The following CCDC184 variants were observed in gnomAD, a reference collection of about 807,000 sequenced individuals.
The protein encoded by CCDC184 is coiled-coil domain containing 184.
In CCDC184, 11 loss-of-function variants were observed where a neutral mutation model predicts 10.4. The observed-to-expected ratio is 1.06, with a 90% CI of 0.67 to 1.75. CCDC184 has a LOEUF of 1.75. Among genes scored for constraint, CCDC184 ranks in the 40% most tolerant of loss-of-function variants. The pLI is 0.00. For missense variants in CCDC184, 264 were observed against 267.9 expected, an observed-to-expected ratio of 0.99 and a Z score of 0.10; for synonymous variants, 102 against 116.1, an observed-to-expected ratio of 0.88 and a Z score of 0.78.
In CCDC184 at chr12:48,184,073, G is replaced by C; in HGVS notation, c.-50G>C. 8.2e-7 allele frequency: 1 copy of C among 1,219,182 alleles called. No individual in the cohort carries two copies. 75.5% of individuals were successfully genotyped at this position (1,219,182 alleles called of 1,614,324 possible). On this transcript the variant is annotated 5_prime_UTR_variant, in exon 1 of 1. Transcript: ENST00000316554. ...CCTCCACCCCCTCCCCCACCCCGGA[G>C]GCCGGGCTGGACGCGACCCAGAGCC...
In CCDC184 at chr12:48,183,680, C is replaced by A; in HGVS notation, c.-443C>A. 6.0e-6 allele frequency: 1 copy of A among 167,478 alleles called. No homozygotes were observed. Among genetic ancestry groups the A allele is most frequent in the Non-Finnish European group, 1.3e-5 (1 of 78,784 alleles). 10.4% of individuals were successfully genotyped at this position (167,478 alleles called of 1,614,324 possible). On this transcript the variant is annotated 5_prime_UTR_variant, in exon 1 of 1. Transcript: ENST00000316554. ...TGCTGCCACACTCGCGGGCGCTGCCCGGTAATGGCCTGGGGGAGTCCCGAG... is the reference window on the plus strand; with the variant it reads ...TGCTGCCACACTCGCGGGCGCTGCCAGGTAATGGCCTGGGGGAGTCCCGAG...
Position 48,184,638 on chromosome 12 carries a change from G to A in CCDC184, c.516G>A (p.Gly172=). 3 of 1,585,870 alleles carry A rather than the reference G, an allele frequency of 1.9e-6. No homozygotes were observed. The highest frequency in any genetic ancestry group is 1.7e-6 in the Non-Finnish European group (2 of 1,166,496). The change falls in exon 1 of 1, where the codon GGG becomes GGA. Residue 172 remains glycine, a synonymous_variant. Coordinates refer to ENST00000316554, the MANE Select transcript of CCDC184 (RefSeq NM_001013635.4). ...GTGCTGGTCTCCTTGGGGGGGACGG[G>A]CCACTTGTGGAGCCCCTCGACATGC... ...SPCAGLLGGD[G]PLVEPLDMPD...
Position 48,185,295 on chromosome 12 carries a change from C to A in CCDC184, c.*588C>A, listed in dbSNP as rs1193949460. The A allele has an allele frequency of 1.2e-5, 2 of 167,012 alleles. No individual in the cohort carries two copies. Among genetic ancestry groups the A allele is most frequent in the African/African-American group, 2.4e-5 (1 of 41,342 alleles). 10.3% of individuals were successfully genotyped at this position (167,012 alleles called of 1,614,324 possible). ...TCTGGGTGAATGGGGTTCCAAGGGC[C>A]CCTGGGCTGGGAGGAGCTGGCTATG... On this transcript the variant is annotated 3_prime_UTR_variant, in exon 1 of 1. Transcript: ENST00000316554.
At position 48,184,367 on chromosome 12, in the gene CCDC184, A is replaced by T; in HGVS notation, c.245A>T (p.Asn82Ile). 2 of 1,613,862 alleles carry T rather than the reference A, an allele frequency of 1.2e-6. No individual in the cohort carries two copies. The highest frequency in any genetic ancestry group is 1.1e-5 in the South Asian group (1 of 91,078). The part of the protein sequence containing the change: ...IQVLSDDVCA[N>I]QRAIVSMCQI... ...GTGCTCTCGGACGACGTGTGCGCCA[A>T]CCAGCGAGCCATCGTCTCCATGTGC... Residue 82 changes from asparagine to isoleucine, a missense_variant, in exon 1 of 1, where the codon AAC (asparagine) becomes ATC (isoleucine). Coordinates refer to ENST00000316554, the MANE Select transcript of CCDC184 (RefSeq NM_001013635.4).
In CCDC184 at chr12:48,184,147, A is replaced by T. The variant is rs1200121911; in HGVS notation, c.25A>T (p.Met9Leu). 2.8e-5 allele frequency: 45 copies of T among 1,613,426 alleles called. No individual in the cohort carries two copies. Among genetic ancestry groups the T allele is most frequent in the Non-Finnish European group, 3.6e-5 (43 of 1,179,868 alleles). ...AATGGAGGACGGTCTGCTGGAGATC[A>T]TGACCAAGGACGGCGGCGACATGCC... MEDGLLEIMTKDGGDMPAP... is the reference protein window; with the variant it reads MEDGLLEILTKDGGDMPAP... Residue 9 changes from methionine (M) to leucine (L), a missense_variant, in exon 1 of 1, where the codon ATG becomes TTG. By Grantham distance (15) the Met-to-Leu change is conservative. Coordinates refer to ENST00000316554, the MANE Select transcript of CCDC184 (RefSeq NM_001013635.4).
chr12:48,184,221 C>T lies in CCDC184; in HGVS notation c.99C>T (p.Ser33=), dbSNP rs1162474230. The T allele has an allele frequency of 1.2e-6, 2 of 1,614,046 alleles. No individual in the cohort carries two copies. Among genetic ancestry groups the T allele is most frequent in the Admixed American group, 3.3e-5 (2 of 60,026 alleles). The stretch of plus-strand genomic sequence containing the variant: ...TGCCGGCAGTGGGGGACGTGATCTC[C>T]GGGGAGTACAACGGCGGCATGAAGG... ...STVPAVGDVI[S]GEYNGGMKEL... Residue 33 remains serine (S), a synonymous_variant, in exon 1 of 1, where the codon TCC becomes TCT. Coordinates refer to ENST00000316554, the MANE Select transcript of CCDC184 (RefSeq NM_001013635.4).
chr12:48,185,075 G>A lies in CCDC184; in HGVS notation c.*368G>A. On this transcript the variant is annotated 3_prime_UTR_variant, in exon 1 of 1. Coordinates refer to ENST00000316554, the MANE Select transcript of CCDC184 (RefSeq NM_001013635.4). ...TCTATTCTGAAAAAGGACTTACCTA[G>A]GACCATGGCAAATAATCTCTAACAA... The A allele has an allele frequency of 5.0e-6, 1 of 201,222 alleles. No individual in the cohort carries two copies. Among genetic ancestry groups the A allele is most frequent in the Non-Finnish European group, 1.1e-5 (1 of 90,970 alleles). The allele number at this position is 201,222 out of a possible 1,614,324, so 12.5% of individuals were successfully genotyped here.
In CCDC184 at chr12:48,184,473, G is replaced by A. The variant is rs756165324; in HGVS notation, c.351G>A (p.Glu117=). Residue 117 remains glutamate, a synonymous_variant, in exon 1 of 1, where the codon GAG becomes GAA. Transcript: ENST00000316554. The part of the protein sequence containing the change: ...GKGSFQSDPQ[E]PETPSPGIGD... ...GGAGCTTCCAGAGCGACCCCCAAGA[G>A]CCGGAGACTCCTTCGCCTGGGATCG... 3.7e-6 allele frequency: 6 copies of A among 1,604,036 alleles called. No individual in the cohort carries two copies. In the Admixed American group the frequency reaches 1.0e-4, roughly 27 times the overall value.
chr12:48,184,542 A>C lies in CCDC184; in HGVS notation c.420A>C (p.Glu140Asp), dbSNP rs10783231. 0.74 allele frequency: 1,147,920 copies of C among 1,553,894 alleles called. 429,862 individuals carry two copies. Among genetic ancestry groups the C allele is most frequent in the Middle Eastern group, 0.83 (4,949 of 5,984 alleles). ...LLGRDPEDEE[E>D]EEEEKEMPSP... ...GTCGCGATCCCGAGGACGAGGAGGA[A>C]GAGGAAGAAGAGAAGGAGATGCCCA... is the stretch of plus-strand genomic sequence containing the variant. Residue 140 changes from glutamate (E) to aspartate (D), a missense_variant, in exon 1 of 1, where the codon GAA (glutamate) becomes GAC (aspartate). Coordinates refer to ENST00000316554, the MANE Select transcript of CCDC184 (RefSeq NM_001013635.4).
chr12:48,185,580 T>C lies in CCDC184; in HGVS notation c.*873T>C, dbSNP rs989887222. On this transcript the variant is annotated 3_prime_UTR_variant, in exon 1 of 1. Transcript: ENST00000316554. ...ACTTCAGTTCCTTTTTCTGTCAATA[T>C]GTCCTTGCCCACTGCCTCTCGGTGT... The C allele has an allele frequency of 1.2e-5, 2 of 167,218 alleles. No individual in the cohort carries two copies. The highest frequency in any genetic ancestry group is 3.9e-4 in the East Asian group (2 of 5,164). The allele number at this position is 167,218 out of a possible 1,614,324, so 10.4% of individuals were successfully genotyped here. A position where few individuals can be genotyped will look rare whatever the true frequency, so the allele number is the denominator to read the frequency against.
rs145112493 is a variant in CCDC184, at chr12:48,184,321, G to C, written c.199G>C (p.Glu67Gln). ...GAGGGCCATGAGGGGGGCCCTGGACGAGCAGGCCTCGCACATCCAGGTGCT... is the reference window on the plus strand; with the variant it reads ...GAGGGCCATGAGGGGGGCCCTGGACCAGCAGGCCTCGCACATCCAGGTGCT... ...DVRAMRGALDEQASHIQVLSD... is the reference protein window; with the variant it reads ...DVRAMRGALDQQASHIQVLSD... The change falls in exon 1 of 1, where the codon GAG (glutamate) becomes CAG (glutamine). Residue 67 changes from glutamate to glutamine, a missense_variant. Glu to Gln is a conservative substitution (Grantham distance 29). Transcript: ENST00000316554. 6.8e-6 allele frequency: 11 copies of C among 1,614,002 alleles called. No homozygotes were observed. Among genetic ancestry groups the C allele is most frequent in the African/African-American group, 1.3e-5 (1 of 74,946 alleles).
rs745561938 is a variant in CCDC184 at position 48,184,166 on chromosome 12, A to T, written c.44A>T (p.Asp15Val). 2 of 1,613,586 alleles carry T rather than the reference A, an allele frequency of 1.2e-6. No homozygotes were observed. The highest frequency in any genetic ancestry group is 2.7e-5 in the African/African-American group (2 of 74,848). ...LLEIMTKDGG[D>V]MPAPLEVSTV... Reference sequence around the variant, plus strand: ...GAGATCATGACCAAGGACGGCGGCGACATGCCGGCGCCCCTGGAGGTGTCC... The same window carrying T: ...GAGATCATGACCAAGGACGGCGGCGTCATGCCGGCGCCCCTGGAGGTGTCC... Residue 15 changes from aspartate to valine, a missense_variant, in exon 1 of 1, where the codon GAC becomes GTC. By Grantham distance (152) the Asp-to-Val change is radical. Transcript: ENST00000316554.
chr12:48,184,144 A>C lies in CCDC184; in HGVS notation c.22A>C (p.Ile8Leu). The C allele has an allele frequency of 6.2e-7, 1 of 1,612,434 alleles. No homozygotes were observed. The highest frequency in any genetic ancestry group is 8.5e-7 in the Non-Finnish European group (1 of 1,179,404). Residue 8 changes from isoleucine to leucine, a missense_variant, in exon 1 of 1, where the codon ATC (isoleucine) becomes CTC (leucine). Coordinates refer to ENST00000316554, the MANE Select transcript of CCDC184 (RefSeq NM_001013635.4). ...CTCAATGGAGGACGGTCTGCTGGAG[A>C]TCATGACCAAGGACGGCGGCGACAT... MEDGLLE[I>L]MTKDGGDMPA... is the part of the protein sequence containing the mutation.
At position 48,185,492 on chromosome 12, in the gene CCDC184, G is replaced by C; in HGVS notation, c.*785G>C. The C allele has an allele frequency of 6.0e-6, 1 of 167,104 alleles. No homozygotes were observed. The allele number at this position is 167,104 out of a possible 1,614,324, so 10.4% of individuals were successfully genotyped here. A position where few individuals can be genotyped will look rare whatever the true frequency, so the allele number is the denominator to read the frequency against. On this transcript the variant is annotated 3_prime_UTR_variant, in exon 1 of 1. Coordinates refer to ENST00000316554, the MANE Select transcript of CCDC184 (RefSeq NM_001013635.4). Reference sequence around the variant, plus strand: ...GTGCTCAGCAGCAGCCCAGATTTAGGGGACATTTGAGGGACTCTTGGGGCC... The same window carrying C: ...GTGCTCAGCAGCAGCCCAGATTTAGCGGACATTTGAGGGACTCTTGGGGCC...
At position 48,185,336 on chromosome 12, in the gene CCDC184, A is replaced by G. The variant is rs1343030827; in HGVS notation, c.*629A>G. 1.2e-5 allele frequency: 2 copies of G among 167,160 alleles called. No individual in the cohort carries two copies. Among genetic ancestry groups the G allele is most frequent in the Non-Finnish European group, 2.9e-5 (2 of 68,206 alleles). 10.4% of individuals were successfully genotyped at this position (167,160 alleles called of 1,614,324 possible). A position where few individuals can be genotyped will look rare whatever the true frequency, so the allele number is the denominator to read the frequency against. ...GCTGGCTATGAATGTGCATGAAGACATAATAGCTCAACCTCTAGGATTTTG... is the reference window on the plus strand; with the variant it reads ...GCTGGCTATGAATGTGCATGAAGACGTAATAGCTCAACCTCTAGGATTTTG... On this transcript the variant is annotated 3_prime_UTR_variant, in exon 1 of 1. Coordinates refer to ENST00000316554, the MANE Select transcript of CCDC184 (RefSeq NM_001013635.4).
At position 48,184,331 on chromosome 12, in the gene CCDC184, C is replaced by G. The variant is rs766870634; in HGVS notation, c.209C>G (p.Ser70Trp). The change falls in exon 1 of 1, where the codon TCG (serine) becomes TGG (tryptophan). Residue 70 changes from serine to tryptophan, a missense_variant. By Grantham distance (177) the Ser-to-Trp change is radical. Transcript: ENST00000316554. ...AMRGALDEQA[S>W]HIQVLSDDVC... Reference sequence around the variant, plus strand: ...AGGGGGGCCCTGGACGAGCAGGCCTCGCACATCCAGGTGCTCTCGGACGAC... The same window carrying G: ...AGGGGGGCCCTGGACGAGCAGGCCTGGCACATCCAGGTGCTCTCGGACGAC... 1 of 1,614,114 alleles carries G rather than the reference C, an allele frequency of 6.2e-7. No individual in the cohort carries two copies.
rs974653757 is a variant in CCDC184 at position 48,184,341 on chromosome 12, G to A, written c.219G>A (p.Gln73=). The stretch of plus-strand genomic sequence containing the variant: ...TGGACGAGCAGGCCTCGCACATCCA[G>A]GTGCTCTCGGACGACGTGTGCGCCA... ...GALDEQASHI[Q]VLSDDVCANQ... Residue 73 remains glutamine, a synonymous_variant, in exon 1 of 1, where the codon CAG becomes CAA. Coordinates refer to ENST00000316554, the MANE Select transcript of CCDC184 (RefSeq NM_001013635.4). The A allele has an allele frequency of 1.2e-6, 2 of 1,614,088 alleles. No homozygotes were observed. Among genetic ancestry groups the A allele is most frequent in the African/African-American group, 2.7e-5 (2 of 75,062 alleles).
Position 48,184,958 on chromosome 12 carries a change from A to G in CCDC184, c.*251A>G, listed in dbSNP as rs1014883782. ...TGAGGCTCCGGGAGAGGAAGCGCCC[A>G]TCTCTGGACTCCCATCCATCCCTAT... On this transcript the variant is annotated 3_prime_UTR_variant, in exon 1 of 1. Coordinates refer to ENST00000316554, the MANE Select transcript of CCDC184 (RefSeq NM_001013635.4). 2 of 492,478 alleles carry G rather than the reference A, an allele frequency of 4.1e-6. No individual in the cohort carries two copies. The highest frequency in any genetic ancestry group is 7.2e-5 in the Admixed American group (2 of 27,788). The allele number at this position is 492,478 out of a possible 1,614,324, so 30.5% of individuals were successfully genotyped here. A position where few individuals can be genotyped will look rare whatever the true frequency, so the allele number is the denominator to read the frequency against.
rs191622929 is a variant in CCDC184 at position 48,184,275 on chromosome 12, G to A, written c.153G>A (p.Leu51=). The change falls in exon 1 of 1, where the codon CTG becomes CTA. Residue 51 remains leucine, a synonymous_variant. Coordinates refer to ENST00000316554, the MANE Select transcript of CCDC184 (RefSeq NM_001013635.4). ...KELMEHLKAQ[L]QALFEDVRAM... is the part of the protein sequence containing the mutation. ...TGATGGAGCACCTGAAAGCCCAGCT[G>A]CAAGCCCTGTTTGAGGACGTGAGGG... 3.1e-6 allele frequency: 5 copies of A among 1,614,104 alleles called. No homozygotes were observed. In the East Asian group the frequency reaches 6.7e-5, roughly 22 times the overall value.
Sources: gnomAD v4.1 joint callset for allele counts on GRCh38, gnomAD v4.1.1 for gene constraint, MANE v1.5 for transcripts, NCBI Gene and HGNC (gene_info 2026-07-23, HGNC 2026-07-21) for gene names.